MAPK10: variants seen among roughly 807,000 people sequenced by gnomAD.
The protein encoded by MAPK10 is JNK3 alpha protein kinase.
A neutral mutation model predicts 59.3 loss-of-function variants in MAPK10; 25 were observed. The observed-to-expected ratio is 0.42, with a 90% CI of 0.31 to 0.59. The LOEUF (loss-of-function observed/expected upper bound fraction) is 0.59, where lower values mean the gene tolerates loss of function less well. Ranked by LOEUF, MAPK10 falls within the 20% of genes least tolerant of loss-of-function variation. MAPK10 has a pLI of 0.15. For missense variants in MAPK10, 351 were observed against 568.9 expected, an observed-to-expected ratio of 0.62 and a Z score of 3.90; for synonymous variants, 190 against 200.5, an observed-to-expected ratio of 0.95 and a Z score of 0.44.
At chr4:86,041,529 T>A (rs931920636) in intron 11 of MAPK10, among the ~76,000 whole-genome samples, 3 of 152,094 alleles carry the variant, frequency 2.0e-5, no homozygotes, top group Non-Finnish European at 4.4e-5. Flanking sequence ...GAAACTATCA[T>A]CAGACTGAAC....
At chr4:86,187,866 C>G (rs1035118562) in intron 3 of MAPK10, among the ~76,000 whole-genome samples, 1 of 152,022 alleles carries the variant, frequency 6.6e-6, no homozygotes, top group Non-Finnish European at 1.5e-5. Context: ...TTTGCTGCAC[C>G]CATCAATCTG....
intron 1 of MAPK10, among the ~76,000 whole-genome samples, chr4:86,387,293 T>A (rs1741595754): frequency 6.6e-6 from 1 of 152,162 alleles, no homozygotes; most frequent in Non-Finnish European, 1.5e-5. Context: ...TTTACTTGAA[T>A]AAGAAAAATC....
At chr4:86,541,691 C>A (rs952338534) in intron 1 of MAPK10, among the ~76,000 whole-genome samples, 2 of 152,146 alleles carry the variant, frequency 1.3e-5, no homozygotes, top group Admixed American at 6.5e-5. Context: ...ATCTACAGTG[C>A]TATTTTGGTC....
intron 1 of MAPK10, among the ~76,000 whole-genome samples, chr4:86,434,270 G>A (rs1008927210): frequency 6.6e-6 from 1 of 152,130 alleles, no homozygotes; most frequent in Non-Finnish European, 1.5e-5. Flanking sequence ...TAGAAAGCAT[G>A]AGCAACCAAA....
At chr4:86,356,043 T>TCACACA (rs34547847) in intron 1 of MAPK10, among the ~76,000 whole-genome samples, 53 of 149,220 alleles carry the variant, frequency 3.6e-4, no homozygotes, top group African/African-American at 1.2e-3. Context: ...TTGTTTTTCT[T>TCACACA]CACACACACA....
intron 1 of MAPK10, among the ~76,000 whole-genome samples, chr4:86,388,595 T>C (rs1741807996): frequency 6.6e-6 from 1 of 152,190 alleles, no homozygotes; most frequent in Admixed American, 6.5e-5. Flanking sequence ...ACCACTGGCT[T>C]GATGTCACAA....
intron 3 of MAPK10, among the ~76,000 whole-genome samples, chr4:86,171,289 G>A (rs929211414): frequency 2.0e-5 from 3 of 152,162 alleles, no homozygotes; most frequent in East Asian, 1.9e-4. Context: ...CCTAGGAGCT[G>A]GTTTTTTGAA....
At chr4:86,178,972 G>A (rs181201620) in intron 3 of MAPK10, among the ~76,000 whole-genome samples, 290 of 152,206 alleles carry the variant, frequency 1.9e-3, no homozygotes, top group African/African-American at 6.6e-3. Context: ...GGAGGCCAAG[G>A]TGGGCACATC....
intron 1 of MAPK10, among the ~76,000 whole-genome samples, chr4:86,467,525 G>GTTTT: frequency 6.6e-6 from 1 of 151,876 alleles, no homozygotes; most frequent in African/African-American, 2.4e-5. Flanking sequence ...TTGTTTGTTT[G>GTTTT]TTTGTTTGTT....
chr4:86,491,165 G>A (rs1754426091), intron 1 of MAPK10, among the ~76,000 whole-genome samples: 1 of 152,180 alleles, frequency 6.6e-6, no homozygotes, highest in African/African-American at 2.4e-5. Flanking sequence ...GAGTAGCAGT[G>A]CTGTGATGGA....
chr4:86,532,533 G>A (rs921618650), intron 1 of MAPK10, among the ~76,000 whole-genome samples: 1 of 152,044 alleles, frequency 6.6e-6, no homozygotes, highest in East Asian at 1.9e-4. Flanking sequence ...CGGTCCTAAC[G>A]CCACCTCCTC....
At chr4:86,468,927 G>A (rs1752433088) in intron 1 of MAPK10, among the ~76,000 whole-genome samples, 1 of 152,102 alleles carries the variant, frequency 6.6e-6, no homozygotes, top group Non-Finnish European at 1.5e-5. Flanking sequence ...TGTAGTAGAG[G>A]TAGGATTAGA....
At chr4:86,133,260 A>C (rs1022439879) in intron 4 of MAPK10, among the ~76,000 whole-genome samples, 1 of 152,250 alleles carries the variant, frequency 6.6e-6, no homozygotes, top group Non-Finnish European at 1.5e-5. Flanking sequence ...TATGCAGCCA[A>C]AAGTATATAG....
intron 3 of MAPK10, among the ~76,000 whole-genome samples, chr4:86,172,525 G>A (rs1159033578): frequency 6.6e-6 from 1 of 150,442 alleles, no homozygotes; most frequent in Non-Finnish European, 1.5e-5. Context: ...ATTGAACAAT[G>A]AGAACACATG....
chr4:86,543,282 C>T (rs1458913889), intron 1 of MAPK10, among the ~76,000 whole-genome samples: 2 of 152,154 alleles, frequency 1.3e-5, no homozygotes, highest in African/African-American at 4.8e-5. Context: ...ACTATGACCT[C>T]ATCAAACTAA....
chr4:86,517,183 T>C (rs1286659573), intron 1 of MAPK10, among the ~76,000 whole-genome samples: 1 of 152,188 alleles, frequency 6.6e-6, no homozygotes, highest in Non-Finnish European at 1.5e-5. Flanking sequence ...ATTTTTGTTT[T>C]TACTTCTATT....
At chr4:86,088,580 A>T (rs2052437460) in intron 9 of MAPK10, among the ~76,000 whole-genome samples, 1 of 152,172 alleles carries the variant, frequency 6.6e-6, no homozygotes, top group Non-Finnish European at 1.5e-5. Context: ...ATTTTATATA[A>T]CCATTATTAA....
chr4:86,591,629 C>T (rs1003462184), intron 1 of MAPK10, among the ~76,000 whole-genome samples: 1 of 152,146 alleles, frequency 6.6e-6, no homozygotes, highest in Non-Finnish European at 1.5e-5. Flanking sequence ...CCACTTCAGC[C>T]TCCCAGAGTG....
At chr4:86,165,891 C>A (rs149126843) in intron 3 of MAPK10, among the ~76,000 whole-genome samples, 1 of 152,024 alleles carries the variant, frequency 6.6e-6, no homozygotes, top group African/African-American at 2.4e-5. Context: ...TCTATGGAAT[C>A]AATGAATTAT....
Sources: gnomAD v4.1 joint callset for allele counts (sites outside exome capture counted in the v4.1 genomes callset) on GRCh38, gnomAD v4.1.1 for gene constraint, MANE v1.5 for transcripts, NCBI Gene and HGNC (gene_info 2026-07-23, HGNC 2026-07-21) for gene names.